The following SYT16 variants were observed in gnomAD, a reference collection of about 807,000 sequenced individuals.
SYT16 encodes synaptotagmin 16, also known as synaptotagmin-16.
SYT16 carries 42 observed loss-of-function variants against 61.4 expected under a neutral mutation model. The observed-to-expected ratio is 0.68, with a 90% CI of 0.53 to 0.89. The LOEUF is 0.89. SYT16 is among the 40% of genes least tolerant of loss of function. The pLI, the probability that SYT16 is intolerant of heterozygous loss-of-function variation, is 0.00. For missense variants in SYT16, 804 were observed against 807.3 expected (o/e 1.00, Z 0.05); for synonymous variants, 314 against 302.3 (o/e 1.04, Z -0.40).
At chr14:61,853,297 TG>T (rs2046673357) in intron 1 of SYT16, among the ~76,000 whole-genome samples, 1 of 152,240 alleles carries the variant, frequency 6.6e-6, no homozygotes, top group African/African-American at 2.4e-5. Flanking sequence ...CTTGAGTCAC[TG>T]GGGCCCTTTA....
chr14:62,095,514 G>A lies in SYT16; in HGVS notation c.1625-4880G>A, dbSNP rs553060617. On this transcript the variant is annotated intron_variant, in intron 7 of 7. Coordinates refer to ENST00000683842, the MANE Select transcript of SYT16 (RefSeq NM_001367656.1). ...TTTATAATAGGAACAAAATATCTACGATACCAAAAAATAATAAAAGATGAA... is the reference window on the plus strand; with the variant it reads ...TTTATAATAGGAACAAAATATCTACAATACCAAAAAATAATAAAAGATGAA... Among the ~76,000 whole-genome samples the A allele has an allele frequency of 1.3e-4, 20 of 151,474 alleles. No individual in the cohort carries two copies. In the East Asian group the frequency reaches 1.4e-3, roughly 10 times the overall value.
At position 61,828,868 on chromosome 14, in the gene SYT16, A is replaced by G. The variant is rs78329711; in HGVS notation, c.-325+16058A>G. On this transcript the variant is annotated intron_variant, in intron 1 of 7. Transcript: ENST00000683842. The stretch of plus-strand genomic sequence containing the variant: ...TTTTCCTTATTCTCTCTTTAAGGCT[A>G]TTCCTAACACTGTTAGGCCCAAAGC... 2.1e-3 allele frequency among the ~76,000 whole-genome samples: 318 copies of G among 152,346 alleles called. 3 individuals carry two copies. The highest frequency in any genetic ancestry group is 6.9e-3 in the African/African-American group (286 of 41,598).
intron 1 of SYT16, among the ~76,000 whole-genome samples, chr14:61,941,804 G>A (rs2050221925): frequency 6.6e-6 from 1 of 152,148 alleles, no homozygotes; most frequent in African/African-American, 2.4e-5. Context: ...ATGAAGTGGG[G>A]GGCAGGGTCT....
chr14:61,859,535 C>T (rs2046901896), intron 1 of SYT16, among the ~76,000 whole-genome samples: 1 of 151,948 alleles, frequency 6.6e-6, no homozygotes, highest in South Asian at 2.1e-4. Flanking sequence ...CTCTCTCTCT[C>T]GACAGAGAGA....
chr14:61,966,394 C>G (rs2051316207), intron 1 of SYT16, among the ~76,000 whole-genome samples: 1 of 152,006 alleles, frequency 6.6e-6, no homozygotes. Context: ...TAAGATTGAA[C>G]ATTATCATCA....
intron 1 of SYT16, among the ~76,000 whole-genome samples, chr14:61,922,781 A>G (rs1191172226): frequency 2.5e-4 from 38 of 152,146 alleles, no homozygotes; most frequent in Admixed American, 2.4e-3. Context: ...CAGGCGTGGT[A>G]GCTCACGCCT....
intron 1 of SYT16, among the ~76,000 whole-genome samples, chr14:61,900,017 T>C (rs538969523): frequency 6.6e-6 from 1 of 152,332 alleles, no homozygotes; most frequent in South Asian, 2.1e-4. Context: ...TCACACACTG[T>C]TGAATATGGG....
chr14:62,098,631 A>G (rs2057339743), intron 7 of SYT16, among the ~76,000 whole-genome samples: 1 of 152,248 alleles, frequency 6.6e-6, no homozygotes, highest in Non-Finnish European at 1.5e-5. Context: ...TCCTGACTAG[A>G]CATGAACATT....
chr14:61,915,799 T>A (rs1023187546), intron 1 of SYT16, among the ~76,000 whole-genome samples: 3 of 152,246 alleles, frequency 2.0e-5, no homozygotes, highest in Admixed American at 6.5e-5. Context: ...CTGGAAATGC[T>A]GAAGAACCCA....
rs138091428 is a variant in SYT16 at position 61,974,286 on chromosome 14, G to T, written c.-145+3975G>T. Among the ~76,000 whole-genome samples, 337 of 152,268 alleles carry T rather than the reference G, an allele frequency of 2.2e-3. 2 individuals carry two copies. The highest frequency in any genetic ancestry group is 7.5e-3 in the African/African-American group (310 of 41,548). On this transcript the variant is annotated intron_variant, in intron 2 of 7. Transcript: ENST00000683842. ...AGGTGGGCCTGTATTGGAGGCTGGAGGATGAACAATCCAAGGCCTTATGTA... is the reference window on the plus strand; with the variant it reads ...AGGTGGGCCTGTATTGGAGGCTGGATGATGAACAATCCAAGGCCTTATGTA...
At chr14:61,839,393 C>T (rs2046232574) in intron 1 of SYT16, among the ~76,000 whole-genome samples, 1 of 152,146 alleles carries the variant, frequency 6.6e-6, no homozygotes, top group East Asian at 1.9e-4. Context: ...AATAAATTTC[C>T]ATTCTTCGTA....
At chr14:62,039,911 T>G (rs117951008) in intron 3 of SYT16, among the ~76,000 whole-genome samples, 2,377 of 150,478 alleles carry the variant, frequency 0.016, 55 homozygotes, top group Middle Eastern at 0.062. Flanking sequence ...TGACTCACAT[T>G]AGTGAAAAGT....
intron 7 of SYT16, among the ~76,000 whole-genome samples, chr14:62,098,625 G>C (rs2057339443): frequency 6.6e-6 from 1 of 152,190 alleles, no homozygotes; most frequent in Non-Finnish European, 1.5e-5. Flanking sequence ...TGAGCTTCCT[G>C]ACTAGACATG....
At chr14:61,894,376 C>A (rs2048253913) in intron 1 of SYT16, among the ~76,000 whole-genome samples, 1 of 150,710 alleles carries the variant, frequency 6.6e-6, no homozygotes, top group Non-Finnish European at 1.5e-5. Flanking sequence ...GTGTAGACAT[C>A]TTTTTTGTGT....
chr14:61,896,968 G>C (rs1043230324), intron 1 of SYT16, among the ~76,000 whole-genome samples: 1 of 152,136 alleles, frequency 6.6e-6, no homozygotes, highest in Non-Finnish European at 1.5e-5. Context: ...CTAAGACAGA[G>C]GTCAACAAAC....
chr14:62,088,996 A>G (rs973468538), intron 7 of SYT16, among the ~76,000 whole-genome samples: 3 of 150,398 alleles, frequency 2.0e-5, no homozygotes, highest in Admixed American at 6.6e-5. Flanking sequence ...ATGTCACTCT[A>G]TTTCCCTAGA....
intron 3 of SYT16, among the ~76,000 whole-genome samples, chr14:62,050,176 T>C (rs909970320): frequency 6.6e-5 from 10 of 152,210 alleles, no homozygotes; most frequent in Non-Finnish European, 1.3e-4. Flanking sequence ...CGTTTCTTTT[T>C]ATTCTTTTTT....
intron 3 of SYT16, among the ~76,000 whole-genome samples, chr14:62,017,821 G>A (rs902076271): frequency 4.4e-4 from 67 of 151,720 alleles, no homozygotes; most frequent in African/African-American, 1.6e-3. Context: ...CCTGTGTTCA[G>A]GTGAACTTCA....
intron 1 of SYT16, among the ~76,000 whole-genome samples, chr14:61,933,985 ATATG>A (rs1359714561): frequency 8.5e-5 from 13 of 152,292 alleles, no homozygotes; most frequent in African/African-American, 3.1e-4. Context: ...GTGTGTGTAT[ATATG>A]TATGTATACA....
Sources: gnomAD v4.1 joint callset for allele counts (sites outside exome capture counted in the v4.1 genomes callset) on GRCh38, gnomAD v4.1.1 for gene constraint, MANE v1.5 for transcripts, NCBI Gene and HGNC (gene_info 2026-07-23, HGNC 2026-07-21) for gene names.